The following MYCBPAP variants were observed in gnomAD, a reference collection of about 807,000 sequenced individuals.
MYCBPAP encodes MYCBP associated protein, also known as MYCBP-associated protein.
In MYCBPAP, 60 loss-of-function variants were observed where a neutral mutation model predicts 106.1. That is an observed-to-expected ratio of 0.57 (90% CI 0.46 to 0.70). The LOEUF (loss-of-function observed/expected upper bound fraction) is 0.70. Ranked by LOEUF, MYCBPAP falls within the 30% of genes least tolerant of loss-of-function variation. The pLI is 0.00. For missense variants in MYCBPAP, 1,064 were observed against 1,169.3 expected, an observed-to-expected ratio of 0.91 and a Z score of 1.31; for synonymous variants, 407 against 440.6, an observed-to-expected ratio of 0.92 and a Z score of 0.95.
chr17:50,512,915 CAT>C (rs1165833096), intron 1 of MYCBPAP, among the ~76,000 whole-genome samples: 5 of 151,470 alleles, frequency 3.3e-5, no homozygotes, highest in African/African-American at 1.2e-4. Flanking sequence ...CTCTACAAAA[CAT>C]ACAAAAAATA....
rs868536295 is a variant in MYCBPAP, at chr17:50,525,154, A to T, written c.1782+131A>T. ...CTGCCTGAGCTCTGCCTCCTGTCAG[A>T]TCAGCGGTGGCATTAGATTCTCATA... On this transcript the variant is annotated intron_variant, in intron 13 of 18. Coordinates refer to ENST00000323776, the MANE Select transcript of MYCBPAP (RefSeq NM_032133.6). 122 of 1,112,110 alleles carry T rather than the reference A, an allele frequency of 1.1e-4. 1 individual carries two copies. The Middle Eastern group carries it at 1.2e-3, about 11-fold the overall frequency. The allele number at this position is 1,112,110 out of a possible 1,614,324, so 68.9% of individuals were successfully genotyped here.
intron 1 of MYCBPAP, among the ~76,000 whole-genome samples, chr17:50,513,460 A>T (rs1248264895): frequency 6.6e-6 from 1 of 152,232 alleles, no homozygotes; most frequent in Non-Finnish European, 1.5e-5. Context: ...CCCTGACTGT[A>T]TGCAGTAACA....
In MYCBPAP at chr17:50,512,457, G is replaced by A. The variant is rs568122190; in HGVS notation, c.76+3707G>A. On this transcript the variant is annotated intron_variant, in intron 1 of 18. Coordinates refer to ENST00000323776, the MANE Select transcript of MYCBPAP (RefSeq NM_032133.6). ...TTCACCTGGAGCATCTTGGTTTGCC[G>A]CTGTACCTGTGCAAAGCTTGCCTCT... 3.9e-5 allele frequency among the ~76,000 whole-genome samples: 6 copies of A among 152,176 alleles called. No individual in the cohort carries two copies. In the South Asian group the frequency reaches 6.2e-4, roughly 16 times the overall value.
In MYCBPAP at chr17:50,522,100, C is replaced by T. The variant is rs1484723167; in HGVS notation, c.1257+19C>T. The T allele has an allele frequency of 1.9e-6, 3 of 1,601,108 alleles. No homozygotes were observed. The highest frequency in any genetic ancestry group is 2.6e-6 in the Non-Finnish European group (3 of 1,169,134). ...GGACAAGGTAAAACAGCCTCCACCA[C>T]ACCTGCTGGGAGAGCCTCCCTCAGG... On this transcript the variant is annotated intron_variant, in intron 10 of 18. Coordinates refer to ENST00000323776, the MANE Select transcript of MYCBPAP (RefSeq NM_032133.6).
chr17:50,523,523 C>T (rs2034351982), intron 11 of MYCBPAP, 74 bp from the exon 12 acceptor site: 2 of 1,477,914 alleles, frequency 1.4e-6, no homozygotes, highest in Admixed American at 1.8e-5. Context: ...CAGTTAACTG[C>T]ATGTAGGAGC....
At chr17:50,530,634 GAAAA>G (rs369166836) in intron 18 of MYCBPAP, among the ~76,000 whole-genome samples, 1 of 143,346 alleles carries the variant, frequency 7.0e-6, no homozygotes, top group African/African-American at 2.6e-5. Context: ...CATCTCTGCA[GAAAA>G]AAAAAAGAAT....
Position 50,523,705 on chromosome 17 carries a change from G to A in MYCBPAP, c.1556G>A (p.Gly519Glu), listed in dbSNP as rs1227577494. The stretch of plus-strand genomic sequence containing the variant: ...TTTCGAACCCATCCTACTCTATTAG[G>A]AGGTGCTATACTGCAGGTCAATCTC... The part of the protein sequence containing the change: ...WEFRTHPTLL[G>E]GAILQVNLHA... Residue 519 changes from glycine (G) to glutamate (E), a missense_variant, in exon 12 of 19, where the codon GGA (glycine) becomes GAA (glutamate). Gly to Glu is a moderately conservative substitution (Grantham distance 98). Coordinates refer to ENST00000323776, the MANE Select transcript of MYCBPAP (RefSeq NM_032133.6). The A allele has an allele frequency of 4.3e-6, 7 of 1,614,180 alleles. No homozygotes were observed. Among genetic ancestry groups the A allele is most frequent in the Non-Finnish European group, 5.1e-6 (6 of 1,180,034 alleles).
At position 50,531,362 on chromosome 17, in the gene MYCBPAP, G is replaced by C; in HGVS notation, c.2760G>C (p.Leu920=). 2 of 1,613,512 alleles carry C rather than the reference G, an allele frequency of 1.2e-6. No homozygotes were observed. The highest frequency in any genetic ancestry group is 1.7e-6 in the Non-Finnish European group (2 of 1,179,850). ...RGLLDTLVTD[L]MVLADELSPI... is the part of the protein sequence containing the mutation. ...TGCTGGACACCCTGGTGACTGACCT[G>C]ATGGTCCTGGCTGATGAGCTCAGCC... The change falls in exon 19 of 19, where the codon CTG becomes CTC. Residue 920 remains leucine, a synonymous_variant. Coordinates refer to ENST00000323776, the MANE Select transcript of MYCBPAP (RefSeq NM_032133.6).
chr17:50,523,793 C>T lies in MYCBPAP; in HGVS notation c.1635+9C>T, dbSNP rs1207618584. ...AGAGGAAAGTACTGGAGGTAAGGGA[C>T]CCAGGACCATGGCCCCTGTGGACAT... On this transcript the variant is annotated intron_variant, in intron 12 of 18. Transcript: ENST00000323776. 1 of 1,611,296 alleles carries T rather than the reference C, an allele frequency of 6.2e-7. No individual in the cohort carries two copies. Among genetic ancestry groups the T allele is most frequent in the East Asian group, 2.2e-5 (1 of 44,830 alleles).
At position 50,528,339 on chromosome 17, in the gene MYCBPAP, G is replaced by A; in HGVS notation, c.2407+69G>A. ...CATCTCTCTGAATGGACAAGCAGCA[G>A]TGCCTGGGCCAGTCATACTCCTTTG... On this transcript the variant is annotated intron_variant, in intron 16 of 18. Transcript: ENST00000323776. 4.6e-6 allele frequency: 6 copies of A among 1,314,048 alleles called. No homozygotes were observed. The South Asian group carries it at 7.5e-5, about 17-fold the overall frequency. 81.4% of individuals were successfully genotyped at this position (1,314,048 alleles called of 1,614,324 possible).
At chr17:50,523,466 A>T in intron 11 of MYCBPAP, 131 bp from the exon 12 acceptor site, 1 of 914,930 alleles carries the variant, frequency 1.1e-6, no homozygotes, top group Non-Finnish European at 1.7e-6. Flanking sequence ...GAAACCTCTC[A>T]GCCCTGGGCA....
intron 6 of MYCBPAP, 155 bp from the exon 7 acceptor site, chr17:50,519,485 A>G: frequency 1.1e-6 from 1 of 899,046 alleles, no homozygotes; most frequent in Non-Finnish European, 1.7e-6. Flanking sequence ...TCCAGAAAAC[A>G]CGGCAGTGGA....
At chr17:50,511,619 A>C (rs2033851159) in intron 1 of MYCBPAP, among the ~76,000 whole-genome samples, 1 of 152,146 alleles carries the variant, frequency 6.6e-6, no homozygotes, top group South Asian at 2.1e-4. Flanking sequence ...CCTCTGGTCC[A>C]GCTCCGACAA....
Position 50,517,464 on chromosome 17 carries a change from C to T in MYCBPAP, c.364+12C>T. ...TCTGGACTACTCCGGTACACCCAGT[C>T]TCAGCCCTGGCTTCACTGTCTTTCA... On this transcript the variant is annotated intron_variant, in intron 3 of 18. Transcript: ENST00000323776. The T allele has an allele frequency of 6.2e-7, 1 of 1,614,224 alleles. No individual in the cohort carries two copies. Among genetic ancestry groups the T allele is most frequent in the Non-Finnish European group, 8.5e-7 (1 of 1,180,040 alleles).
rs762196290 is a variant in MYCBPAP, at chr17:50,526,232, C to T, written c.2134C>T (p.Leu712=). ...CTGGGAGCCGGATGGCCTTCCCCTG[C>T]TGGAGTGGAACCTCTGCTTGGAGGA... The part of the protein sequence containing the change: ...SPWEPDGLPL[L]EWNLCLEDFR... Residue 712 remains leucine (L), a synonymous_variant, in exon 14 of 19, where the codon CTG becomes TTG. Coordinates refer to ENST00000323776, the MANE Select transcript of MYCBPAP (RefSeq NM_032133.6). 1.2e-6 allele frequency: 2 copies of T among 1,611,672 alleles called. No individual in the cohort carries two copies. Among genetic ancestry groups the T allele is most frequent in the African/African-American group, 2.7e-5 (2 of 74,862 alleles).
At chr17:50,514,939 T>C in intron 1 of MYCBPAP, 1 of 453,258 alleles carries the variant, frequency 2.2e-6, no homozygotes, top group Non-Finnish European at 4.4e-6. Flanking sequence ...TGGCATGCCA[T>C]TGCCCATGGG....
chr17:50,528,075 G>A, intron 15 of MYCBPAP, 80 bp from the exon 16 acceptor site: 1 of 1,214,442 alleles, frequency 8.2e-7, no homozygotes, highest in Non-Finnish European at 1.2e-6. Context: ...CAGGGTCTTT[G>A]AAGGGAGGGA....
intron 1 of MYCBPAP, chr17:50,514,931 G>C: frequency 2.2e-6 from 1 of 452,638 alleles, no homozygotes; most frequent in Non-Finnish European, 4.4e-6. Flanking sequence ...CCATTCCTTG[G>C]CATGCCATTG....
At chr17:50,529,808 G>A (rs1377837933) in intron 18 of MYCBPAP, 2 of 456,646 alleles carry the variant, frequency 4.4e-6, no homozygotes, top group Middle Eastern at 3.3e-4. Context: ...ACCATGCAGG[G>A]TGCATTCCCA....
Sources: allele counts gnomAD v4.1 joint callset (sites outside exome capture counted in the v4.1 genomes callset), GRCh38; gene constraint gnomAD v4.1.1; transcripts MANE v1.5; gene names NCBI Gene and HGNC (gene_info 2026-07-23, HGNC 2026-07-21).